Variants in LARP1 observed in about 807,000 individuals in gnomAD.
LARP1 encodes la-related protein 1.
In LARP1, 36 loss-of-function variants were observed where a neutral mutation model predicts 122.7. The observed-to-expected ratio is 0.29, with a 90% CI of 0.22 to 0.39. LARP1 has a LOEUF of 0.39. Among genes scored for constraint, LARP1 ranks in the 10% least tolerant of loss-of-function variants. LARP1 has a pLI of 1.00. For missense variants in LARP1, 1,040 were observed against 1,403.6 expected (o/e 0.74, Z 4.14); for synonymous variants, 539 against 528.7 (o/e 1.02, Z -0.27).
chr5:154,811,283 T>G lies in LARP1; in HGVS notation c.2880T>G (p.Tyr960Ter). ...GLECLFRYYS[Y>*]GLEKKFRLDI... ...AGTGCCTTTTTCGATACTACAGTTATGGCCTGGAAAAGAAGTTCCGGCTGG... is the reference window on the plus strand; with the variant it reads ...AGTGCCTTTTTCGATACTACAGTTAGGGCCTGGAAAAGAAGTTCCGGCTGG... Residue 960 changes from tyrosine (Y) to a stop codon, truncating the protein, a stop_gained, in exon 17 of 19, where the codon TAT (tyrosine) becomes TAG (stop). Transcript: ENST00000518297. LOFTEE classifies it high-confidence loss of function. The G allele has an allele frequency of 6.2e-7, 1 of 1,614,230 alleles. No homozygotes were observed. Among genetic ancestry groups the G allele is most frequent in the East Asian group, 2.2e-5 (1 of 44,890 alleles).
intron 1 of LARP1, among the ~76,000 whole-genome samples, chr5:154,702,844 G>A (rs1285727751): frequency 6.6e-6 from 1 of 151,568 alleles, no homozygotes; most frequent in Non-Finnish European, 1.5e-5. Flanking sequence ...GTTGTGCTGG[G>A]CGAGATGGCT....
In LARP1 at chr5:154,766,474, A is replaced by G. The variant is rs150594735; in HGVS notation, c.436+10281A>G. On this transcript the variant is annotated intron_variant, in intron 1 of 18. Coordinates refer to ENST00000518297, the MANE Select transcript of LARP1 (RefSeq NM_033551.3). ...TAGGGGTAGAGAGTGGCCGAGGTTT[A>G]TGGGATATCTCAGACCCTTCAGAAG... Among the ~76,000 whole-genome samples, 537 of 152,334 alleles carry G rather than the reference A, an allele frequency of 3.5e-3. 3 individuals carry two copies. The highest frequency in any genetic ancestry group is 0.011 in the African/African-American group (478 of 41,584).
At chr5:154,796,140 TTATA>T (rs1162199467) in intron 8 of LARP1, among the ~76,000 whole-genome samples, 1 of 124,130 alleles carries the variant, frequency 8.1e-6, no homozygotes, top group Non-Finnish European at 1.6e-5. Context: ...TTTTATATAT[TTATA>T]TATTATATAT....
At chr5:154,692,021 A>ACCTCAGGCGATCCACCCG (rs1256680924) in intron 1 of LARP1, among the ~76,000 whole-genome samples, 1 of 151,654 alleles carries the variant, frequency 6.6e-6, no homozygotes, top group Non-Finnish European at 1.5e-5. Flanking sequence ...TGAACATCTG[A>ACCTCAGGCGATCCACCCG]CCTCAGGCGA....
intron 1 of LARP1, among the ~76,000 whole-genome samples, chr5:154,781,025 A>AC (rs1756378285): frequency 6.6e-6 from 1 of 151,950 alleles, no homozygotes; most frequent in Non-Finnish European, 1.5e-5. Flanking sequence ...ATTGTGCCAC[A>AC]CCCACTGCAC....
At position 154,787,338 on chromosome 5, in the gene LARP1, G is replaced by T. The variant is rs574430256; in HGVS notation, c.437-2987G>T. ...CATGGGGATTGGTGCCTGTGCAAAGGATTGGTTTGCATTGGCGGCCATTAC... is the reference window on the plus strand; with the variant it reads ...CATGGGGATTGGTGCCTGTGCAAAGTATTGGTTTGCATTGGCGGCCATTAC... On this transcript the variant is annotated intron_variant, in intron 1 of 18. Coordinates refer to ENST00000518297, the MANE Select transcript of LARP1 (RefSeq NM_033551.3). 3.3e-5 allele frequency among the ~76,000 whole-genome samples: 5 copies of T among 152,330 alleles called. No individual in the cohort carries two copies. The East Asian group carries it at 9.7e-4, about 29-fold the overall frequency.
intron 1 of LARP1, among the ~76,000 whole-genome samples, chr5:154,730,534 G>A (rs995995748): frequency 6.6e-6 from 1 of 151,278 alleles, no homozygotes; most frequent in Non-Finnish European, 1.5e-5. Flanking sequence ...GTGCAATGGC[G>A]CAATCTCGGC....
At chr5:154,690,792 C>G (rs537002836) in intron 1 of LARP1, among the ~76,000 whole-genome samples, 1 of 152,198 alleles carries the variant, frequency 6.6e-6, no homozygotes, top group Non-Finnish European at 1.5e-5. Flanking sequence ...AACGGCCTGG[C>G]GGGACAGGGC....
upstream of LARP1, among the ~76,000 whole-genome samples, chr5:154,754,086 G>A (rs575650628): frequency 1.4e-4 from 22 of 152,306 alleles, no homozygotes; most frequent in South Asian, 4.6e-3. Flanking sequence ...TAATACTTTG[G>A]CATCTGCGTT....
chr5:154,747,875 GAC>G (rs1753284878), intron 1 of LARP1, among the ~76,000 whole-genome samples: 1 of 151,590 alleles, frequency 6.6e-6, no homozygotes, highest in African/African-American at 2.4e-5. Context: ...AAAAAAAAAA[GAC>G]ACAGTGTCTC....
At chr5:154,774,523 C>A (rs1582369045) in intron 1 of LARP1, among the ~76,000 whole-genome samples, 1 of 152,226 alleles carries the variant, frequency 6.6e-6, no homozygotes, top group African/African-American at 2.4e-5. Context: ...TTCATTTCTC[C>A]TGGGGTCTAG....
chr5:154,785,642 C>CATTA (rs1756817844), intron 1 of LARP1, among the ~76,000 whole-genome samples: 1 of 152,124 alleles, frequency 6.6e-6, no homozygotes, highest in African/African-American at 2.4e-5. Flanking sequence ...AGTCCATGTG[C>CATTA]TTAATGGGGC....
chr5:154,752,807 C>T (rs959673502), upstream of LARP1, among the ~76,000 whole-genome samples: 6 of 151,774 alleles, frequency 4.0e-5, no homozygotes, highest in African/African-American at 1.2e-4. Flanking sequence ...GGCATGGTGG[C>T]GGGCGCCTGT....
At chr5:154,699,095 A>G (rs765993841) in intron 1 of LARP1, among the ~76,000 whole-genome samples, 36 of 152,300 alleles carry the variant, frequency 2.4e-4, no homozygotes, top group Non-Finnish European at 4.3e-4. Flanking sequence ...GTCTGTTCCC[A>G]CTTGGCTAAT....
intron 1 of LARP1, among the ~76,000 whole-genome samples, chr5:154,687,756 G>A (rs1754003949): frequency 6.6e-6 from 1 of 150,874 alleles, no homozygotes; most frequent in African/African-American, 2.5e-5. Flanking sequence ...GAAAGTTTGA[G>A]GCTAGGAGTT....
intron 1 of LARP1, among the ~76,000 whole-genome samples, chr5:154,746,334 G>A (rs1582267248): frequency 1.3e-5 from 2 of 152,196 alleles, no homozygotes; most frequent in Non-Finnish European, 2.9e-5. Context: ...CAGTCTCACC[G>A]TGTGACTAGT....
At chr5:154,731,441 G>A (rs754363661) in intron 1 of LARP1, among the ~76,000 whole-genome samples, 9 of 152,230 alleles carry the variant, frequency 5.9e-5, no homozygotes, top group Non-Finnish European at 8.8e-5. Context: ...GCCAGCCAAT[G>A]CCTTCCTCTA....
intron 1 of LARP1, among the ~76,000 whole-genome samples, chr5:154,740,342 G>A (rs1160824353): frequency 1.4e-5 from 2 of 138,610 alleles, no homozygotes; most frequent in East Asian, 2.1e-4. Flanking sequence ...GCGATGAGCC[G>A]AAATCGTGCC....
chr5:154,710,910 TC>T (rs1755186679), upstream of LARP1, among the ~76,000 whole-genome samples: 1 of 152,092 alleles, frequency 6.6e-6, no homozygotes, highest in African/African-American at 2.4e-5. Flanking sequence ...ATACTGTATA[TC>T]CAACAGTCTC....
Sources: gnomAD v4.1 joint callset for allele counts (sites outside exome capture counted in the v4.1 genomes callset) on GRCh38, gnomAD v4.1.1 for gene constraint, MANE v1.5 for transcripts, NCBI Gene and HGNC (gene_info 2026-07-23, HGNC 2026-07-21) for gene names.